PNPLA7: variants seen among roughly 807,000 people sequenced by gnomAD.
PNPLA7 encodes the protein patatin-like phospholipase domain-containing protein 7.
PNPLA7 carries 153 observed loss-of-function variants against 161.7 expected under a neutral mutation model. The observed-to-expected ratio is 0.95, with a 90% confidence interval of 0.83 to 1.08. The LOEUF (loss-of-function observed/expected upper bound fraction) is 1.08, where lower values mean the gene tolerates loss of function less well. Ranked by LOEUF, PNPLA7 falls within the 50% of genes least tolerant of loss-of-function variation. PNPLA7 has a pLI of 0.00. For missense variants in PNPLA7, 1,739 were observed against 1,856.6 expected (o/e 0.94, Z 1.16); for synonymous variants, 809 against 782.1 (o/e 1.03, Z -0.57).
chr9:137,521,551 T>C lies in PNPLA7; in HGVS notation c.957+85A>G, dbSNP rs1834990313. 1.8e-5 allele frequency: 24 copies of C among 1,353,620 alleles called. No individual in the cohort carries two copies. The East Asian group carries it at 5.4e-4, about 30-fold the overall frequency. The allele number at this position is 1,353,620 out of a possible 1,614,324, so 83.9% of individuals were successfully genotyped here. ...TTGCTGGCACTGCCCCACCAGGCAC[T>C]GGGCGCCTGCCGTGCCAACCAATAG... On this transcript the variant is annotated intron_variant, in intron 10 of 34. Transcript: ENST00000406427.
intron 11 of PNPLA7, 68 bp downstream of exon 11, chr9:137,519,849 G>A: frequency 6.4e-7 from 1 of 1,555,194 alleles, no homozygotes; most frequent in Non-Finnish European, 8.7e-7. Flanking sequence ...GGGGTGACCT[G>A]AGGCAGTGGG....
chr9:137,462,903 C>T, intron 29 of PNPLA7, 70 bp from the exon 30 acceptor site: 2 of 1,582,716 alleles, frequency 1.3e-6, no homozygotes, highest in South Asian at 2.3e-5. Context: ...GCAGAGCCTG[C>T]CTCTCCGAGC....
chr9:137,494,449 G>T (rs775620032), intron 19 of PNPLA7, among the ~76,000 whole-genome samples: 15 of 152,144 alleles, frequency 9.9e-5, no homozygotes, highest in Non-Finnish European at 1.8e-4. Flanking sequence ...ACCTCCTCCA[G>T]GTCGTTTTCC....
Position 137,486,280 on chromosome 9 carries a change from C to G in PNPLA7, c.2198-1544G>C, listed in dbSNP as rs1402499925. Among the ~76,000 whole-genome samples the G allele has an allele frequency of 6.6e-6, 1 of 152,120 alleles. No homozygotes were observed. Among genetic ancestry groups the G allele is most frequent in the Non-Finnish European group, 1.5e-5 (1 of 68,022 alleles). ...AGGGCCACTCCCTGCAGACGGCGGC[C>G]AGCGGACACCTGCAAGATCCTGGGA... On this transcript the variant is annotated intron_variant, in intron 20 of 34. Transcript: ENST00000406427. The surrounding 1 kb of genome is among the most constrained non-coding windows in gnomAD (Gnocchi z 6.0).
At chr9:137,461,300 T>G in intron 33 of PNPLA7, 4 of 472,320 alleles carry the variant, frequency 8.5e-6, no homozygotes, top group South Asian at 3.2e-5. Context: ...TGGCTGGGAG[T>G]TGAGGTGAAT....
chr9:137,515,508 C>T lies in PNPLA7; in HGVS notation c.1096G>A (p.Gly366Ser), dbSNP rs753823076. 18 of 1,555,836 alleles carry T rather than the reference C, an allele frequency of 1.2e-5. No individual in the cohort carries two copies. Among genetic ancestry groups the T allele is most frequent in the Admixed American group, 4.0e-5 (2 of 49,710 alleles). ...QESCDSDHGG[G>S]RPAAAGPLLK... ...AGGGGCCCAGCAGCTGCCGGGCGGCCGCCCCCGTGATCTGCTGGGGAGGCA... is the reference window on the plus strand; with the variant it reads ...AGGGGCCCAGCAGCTGCCGGGCGGCTGCCCCCGTGATCTGCTGGGGAGGCA... Residue 366 changes from glycine to serine, a missense_variant, in exon 12 of 35, where the codon GGC becomes AGC. Coordinates refer to ENST00000406427, the MANE Select transcript of PNPLA7 (RefSeq NM_001098537.3).
chr9:137,548,725 G>A (rs1275242005), intron 1 of PNPLA7, among the ~76,000 whole-genome samples: 1 of 152,174 alleles, frequency 6.6e-6, no homozygotes, highest in East Asian at 1.9e-4. Flanking sequence ...TCCAGCCTGG[G>A]CGACAGAGCG....
In PNPLA7 at chr9:137,479,054, A is replaced by G. The variant is rs757859574; in HGVS notation, c.2763+2T>C. ...GCAGGCAGCCTCCTCTCCCCGCCTC[A>G]CCAGCTTGGGCAGGCTCCTCCTGGA... On this transcript the variant is annotated splice_donor_variant, in intron 24 of 34. Coordinates refer to ENST00000406427, the MANE Select transcript of PNPLA7 (RefSeq NM_001098537.3). LOFTEE classifies it high-confidence loss of function. 1.9e-6 allele frequency: 3 copies of G among 1,574,682 alleles called. No homozygotes were observed. In the East Asian group the frequency reaches 6.9e-5, roughly 36 times the overall value.
chr9:137,531,664 G>A lies in PNPLA7; in HGVS notation c.748-8807C>T, dbSNP rs112807757. ...ACCCACTCACGCCAATGAATCTCAC[G>A]TTCATAATGTTGCTCAAATTAGGAA... On this transcript the variant is annotated intron_variant, in intron 8 of 34. Transcript: ENST00000406427. Among the ~76,000 whole-genome samples the A allele has an allele frequency of 2.3e-4, 35 of 152,284 alleles. 2 individuals carry two copies. Among genetic ancestry groups the A allele is most frequent in the African/African-American group, 8.4e-4 (35 of 41,538 alleles).
chr9:137,519,400 C>G (rs746623325), intron 11 of PNPLA7, among the ~76,000 whole-genome samples: 2 of 119,348 alleles, frequency 1.7e-5, no homozygotes, highest in Non-Finnish European at 3.6e-5. Context: ...CTGGCCCAGG[C>G]CAAGCACGCA....
intron 11 of PNPLA7, chr9:137,516,668 A>C: frequency 3.3e-6 from 1 of 305,720 alleles, no homozygotes; most frequent in Non-Finnish European, 4.8e-6. Context: ...ATAAAAGTAA[A>C]TGAGCTGGGC....
intron 23 of PNPLA7, among the ~76,000 whole-genome samples, chr9:137,480,093 A>C (rs918246776): frequency 6.6e-6 from 1 of 152,260 alleles, no homozygotes; most frequent in Non-Finnish European, 1.5e-5. Context: ...CTGCGGCTTC[A>C]CAAGAGGCCA....
rs1293099241 is a variant in PNPLA7, at chr9:137,547,467, C to A, written c.106-71G>T. On this transcript the variant is annotated intron_variant, in intron 2 of 34. Transcript: ENST00000406427. The surrounding 1 kb of genome is among the most constrained non-coding windows in gnomAD (Gnocchi z 4.6). ...CTAACCCTAGCCCTAAGCCTGCCCC[C>A]ACCCCTGGCTGCCCAACCACAGGCT... 2 of 1,597,774 alleles carry A rather than the reference C, an allele frequency of 1.3e-6. No individual in the cohort carries two copies. The highest frequency in any genetic ancestry group is 1.7e-6 in the Non-Finnish European group (2 of 1,166,320).
chr9:137,518,865 T>C (rs111207804), intron 11 of PNPLA7, among the ~76,000 whole-genome samples: 6,448 of 55,730 alleles, frequency 0.12, 1,277 homozygotes, highest in African/African-American at 0.34. Context: ...CTCACTCACT[T>C]CACTCTACTC....
Position 137,460,745 on chromosome 9 carries a change from C to T in PNPLA7, c.3842-8G>A, listed in dbSNP as rs1831142146. On this transcript the variant is annotated splice_region_variant and splice_polypyrimidine_tract_variant and intron_variant, in intron 33 of 34. Coordinates refer to ENST00000406427, the MANE Select transcript of PNPLA7 (RefSeq NM_001098537.3). ...TCTGGTAGTCAGATTCGTCTGGCAC[C>T]GAGGGTAGGGCTGCGTCAGTCCCCT... The T allele has an allele frequency of 1.2e-6, 2 of 1,610,890 alleles. No homozygotes were observed. Among genetic ancestry groups the T allele is most frequent in the South Asian group, 1.1e-5 (1 of 90,884 alleles).
chr9:137,484,874 C>G, intron 20 of PNPLA7, 138 bp from the exon 21 acceptor site: 1 of 1,050,900 alleles, frequency 9.5e-7, no homozygotes, highest in Non-Finnish European at 1.3e-6. Flanking sequence ...CCTCCCCAGT[C>G]CTGAGGCTGC....
Position 137,464,110 on chromosome 9 carries a change from C to T in PNPLA7, c.3226+16G>A, listed in dbSNP as rs776592126. 6.2e-7 allele frequency: 1 copy of T among 1,612,682 alleles called. No homozygotes were observed. Among genetic ancestry groups the T allele is most frequent in the Non-Finnish European group, 8.5e-7 (1 of 1,179,558 alleles). ...CTCGCACCCAAGCGGCCGCCCTGCG[C>T]AGCAGGAGTGCTCACCGTCGGTGTG... On this transcript the variant is annotated intron_variant, in intron 28 of 34. Coordinates refer to ENST00000406427, the MANE Select transcript of PNPLA7 (RefSeq NM_001098537.3).
At chr9:137,512,678 T>C (rs1303610952) in intron 12 of PNPLA7, among the ~76,000 whole-genome samples, 1 of 152,130 alleles carries the variant, frequency 6.6e-6, no homozygotes, top group Non-Finnish European at 1.5e-5. Context: ...CTGTGGCTCA[T>C]GCCTGTTTCC....
rs1359010700 is a variant in PNPLA7, at chr9:137,486,289, C to T, written c.2198-1553G>A. 6.6e-6 allele frequency among the ~76,000 whole-genome samples: 1 copy of T among 152,148 alleles called. No homozygotes were observed. The highest frequency in any genetic ancestry group is 1.5e-5 in the Non-Finnish European group (1 of 68,024). On this transcript the variant is annotated intron_variant, in intron 20 of 34. Coordinates refer to ENST00000406427, the MANE Select transcript of PNPLA7 (RefSeq NM_001098537.3). The surrounding 1 kb of genome is among the most constrained non-coding windows in gnomAD (Gnocchi z 6.0). ...CCCTGCAGACGGCGGCCAGCGGACA[C>T]CTGCAAGATCCTGGGATGCACACGG...
Sources: allele counts gnomAD v4.1 joint callset (sites outside exome capture counted in the v4.1 genomes callset), GRCh38; gene constraint gnomAD v4.1.1; non-coding constraint Gnocchi (gnomAD v3.1); transcripts MANE v1.5; gene names NCBI Gene and HGNC (gene_info 2026-07-23, HGNC 2026-07-21).